The following XPO4 variants were observed in gnomAD, a reference collection of about 807,000 sequenced individuals.
XPO4 encodes the protein exportin-4.
In XPO4, 39 loss-of-function variants were observed where a neutral mutation model predicts 143.0. The observed-to-expected ratio is 0.27, with a 90% CI of 0.21 to 0.36. The LOEUF is 0.36. XPO4 is among the 10% of genes least tolerant of loss of function. The probability of loss-of-function intolerance (pLI) is 1.00; values close to 1 mark genes in which losing one functional copy is unlikely to be tolerated. For synonymous variants in XPO4, 439 were observed against 474.0 expected (o/e 0.93, Z 0.96); for missense variants, 907 against 1,348.0 (o/e 0.67, Z 5.12).
intron 1 of XPO4, among the ~76,000 whole-genome samples, chr13:20,883,672 C>T (rs2055343981): frequency 6.6e-6 from 1 of 152,146 alleles, no homozygotes; most frequent in Non-Finnish European, 1.5e-5. Context: ...AAGTACTCTT[C>T]CCTAAAAAAA....
At chr13:20,902,359 C>T in intron 1 of XPO4, 4 of 985,450 alleles carry the variant, frequency 4.1e-6, no homozygotes, top group Non-Finnish European at 4.8e-6. Flanking sequence ...TTCCCGGCGC[C>T]TTGCTCTGCG....
chr13:20,890,713 T>TGCTTGA (rs1428265559), intron 1 of XPO4, among the ~76,000 whole-genome samples: 2 of 148,852 alleles, frequency 1.3e-5, no homozygotes, highest in African/African-American at 2.5e-5. Context: ...GCTGGAGGAC[T>TGCTTGA]GCTTGAGCCT....
chr13:20,789,707 C>T (rs1428736526), intron 19 of XPO4, among the ~76,000 whole-genome samples: 1 of 152,006 alleles, frequency 6.6e-6, no homozygotes, highest in East Asian at 1.9e-4. Flanking sequence ...TGCGCCCGGC[C>T]CAGCCTCTAC....
intron 1 of XPO4, among the ~76,000 whole-genome samples, chr13:20,882,109 C>CAAAAAAAAAAA (rs35404161): frequency 6.4e-5 from 6 of 93,352 alleles, no homozygotes; most frequent in African/African-American, 2.8e-4. Flanking sequence ...GACTCGGTCT[C>CAAAAAAAAAAA]AAAAAAAAAA....
chr13:20,896,184 A>G (rs530856616), intron 1 of XPO4, among the ~76,000 whole-genome samples: 2 of 152,300 alleles, frequency 1.3e-5, no homozygotes, highest in East Asian at 1.9e-4. Flanking sequence ...TTCTGAATAC[A>G]TTGTAATAGT....
chr13:20,842,835 T>C (rs753239739), intron 6 of XPO4, 60 bp downstream of exon 6: 45 of 1,466,308 alleles, frequency 3.1e-5, no homozygotes, highest in Non-Finnish European at 4.0e-5. Context: ...GACTCCGAGC[T>C]GTAATTAAGT....
chr13:20,821,916 A>G (rs745623561), intron 8 of XPO4, 38 bp from the exon 9 acceptor site: 6 of 1,551,552 alleles, frequency 3.9e-6, no homozygotes, highest in Non-Finnish European at 4.4e-6. Context: ...GTGGCAGTAA[A>G]AGAAAAATTA....
chr13:20,897,036 T>C (rs1431430120), intron 1 of XPO4, among the ~76,000 whole-genome samples: 1 of 152,236 alleles, frequency 6.6e-6, no homozygotes, highest in Admixed American at 6.5e-5. Flanking sequence ...TTGAACTGAA[T>C]TTGAAACATA....
At chr13:20,848,827 T>C (rs1305373359) in intron 4 of XPO4, 1 of 985,182 alleles carries the variant, frequency 1.0e-6, no homozygotes, top group Non-Finnish European at 1.2e-6. Flanking sequence ...ACAATTTTAA[T>C]ATGTCAAACA....
intron 1 of XPO4, among the ~76,000 whole-genome samples, chr13:20,895,920 T>A (rs1156306124): frequency 6.6e-6 from 1 of 152,208 alleles, no homozygotes. Context: ...GTTGTTTCAA[T>A]CTTCACTACA....
At chr13:20,851,454 A>T (rs1258701670) in intron 4 of XPO4, 1 of 984,522 alleles carries the variant, frequency 1.0e-6, no homozygotes, top group African/African-American at 1.7e-5. Flanking sequence ...GTTGGCTCAC[A>T]CCTATAATCT....
At chr13:20,789,643 C>T (rs1224262596) in intron 19 of XPO4, among the ~76,000 whole-genome samples, 3 of 151,566 alleles carry the variant, frequency 2.0e-5, no homozygotes, top group Admixed American at 6.6e-5. Flanking sequence ...CTCCTGACTT[C>T]GTGATCCACC....
At chr13:20,843,369 A>G (rs2059995817) in intron 5 of XPO4, among the ~76,000 whole-genome samples, 1 of 152,066 alleles carries the variant, frequency 6.6e-6, no homozygotes, top group Non-Finnish European at 1.5e-5. Flanking sequence ...ACATAACTTT[A>G]CTCCAGAGCC....
intron 5 of XPO4, 122 bp downstream of exon 5, chr13:20,843,648 A>G: frequency 1.4e-6 from 1 of 691,066 alleles, no homozygotes. Flanking sequence ...ATCACAAAAC[A>G]AATCCTGAAG....
At chr13:20,838,774 C>T (rs1037743902) in intron 6 of XPO4, among the ~76,000 whole-genome samples, 1 of 151,902 alleles carries the variant, frequency 6.6e-6, no homozygotes, top group Non-Finnish European at 1.5e-5. Flanking sequence ...TAAGCCCACA[C>T]AAAAATTATA....
chr13:20,819,464 A>G (rs1002928408), intron 9 of XPO4, among the ~76,000 whole-genome samples: 6 of 152,150 alleles, frequency 3.9e-5, no homozygotes, highest in African/African-American at 1.4e-4. Flanking sequence ...GTTTGAGACC[A>G]GCCTGGCCAA....
chr13:20,880,003 C>G (rs1228140809), intron 1 of XPO4, among the ~76,000 whole-genome samples: 1 of 152,168 alleles, frequency 6.6e-6, no homozygotes, highest in African/African-American at 2.4e-5. Context: ...AAATACAAAT[C>G]AAAACTGCAA....
rs558979152 is a variant in XPO4, at chr13:20,780,270, G to A, written c.*3452C>T. 29 of 152,268 alleles carry A rather than the reference G, an allele frequency of 1.9e-4. No homozygotes were observed. The highest frequency in any genetic ancestry group is 7.0e-4 in the African/African-American group (29 of 41,554). 9.4% of individuals were successfully genotyped at this position (152,268 alleles called of 1,614,324 possible). A position where few individuals can be genotyped will look rare whatever the true frequency, so the allele number is the denominator to read the frequency against. ...TTGACAACCACCTCTAACAACAGAG[G>A]TGGCAAACAGATAAAAATTGTTTAA... On this transcript the variant is annotated 3_prime_UTR_variant, in exon 23 of 23. Transcript: ENST00000255305.
intron 1 of XPO4, among the ~76,000 whole-genome samples, chr13:20,895,059 T>G (rs1414357811): frequency 6.6e-6 from 1 of 151,534 alleles, no homozygotes; most frequent in Non-Finnish European, 1.5e-5. Flanking sequence ...GCACCTGTAG[T>G]CCCAGCTACT....
Sources: gnomAD v4.1 joint callset for allele counts (sites outside exome capture counted in the v4.1 genomes callset) on GRCh38, gnomAD v4.1.1 for gene constraint, MANE v1.5 for transcripts, NCBI Gene and HGNC (gene_info 2026-07-23, HGNC 2026-07-21) for gene names.